NRXN3: variants seen among roughly 807,000 people sequenced by gnomAD.
NRXN3 encodes neurexin III.
A neutral mutation model predicts 137.6 loss-of-function variants in NRXN3; 32 were observed. That is an observed-to-expected ratio of 0.23 (90% CI 0.18 to 0.31). The LOEUF (loss-of-function observed/expected upper bound fraction) is 0.31, where lower values mean the gene tolerates loss of function less well. NRXN3 is among the 10% of genes least tolerant of loss of function. NRXN3 has a pLI of 1.00. For synonymous variants in NRXN3, 798 were observed against 784.5 expected, an observed-to-expected ratio of 1.02 and a Z score of -0.29; for missense variants, 1,574 against 2,062.5, an observed-to-expected ratio of 0.76 and a Z score of 4.59.
At chr14:78,658,273 G>A (rs2097801223) in intron 6 of NRXN3, among the ~76,000 whole-genome samples, 1 of 152,176 alleles carries the variant, frequency 6.6e-6, no homozygotes, top group Non-Finnish European at 1.5e-5. Flanking sequence ...CTTGCTAGTT[G>A]CATGGCTTTT....
intron 15 of NRXN3, 195 bp downstream of exon 15, chr14:78,988,336 A>G: frequency 3.2e-6 from 2 of 632,634 alleles, no homozygotes; most frequent in Admixed American, 5.1e-5. Context: ...ACAACACTAA[A>G]TATTCTCCCA....
At position 79,355,777 on chromosome 14, in the gene NRXN3, C is replaced by G. The variant is rs528850777; in HGVS notation, c.3263-111444C>G. Among the ~76,000 whole-genome samples the G allele has an allele frequency of 2.6e-5, 4 of 152,130 alleles. No individual in the cohort carries two copies. The South Asian group carries it at 8.3e-4, about 32-fold the overall frequency. ...TTTCATCTTTTCTGTTCTGTTCAGT[C>G]AAGACTTAGCTGATCCTATCTCAAC... On this transcript the variant is annotated intron_variant, in intron 15 of 20. Transcript: ENST00000335750.
At chr14:79,523,610 C>T (rs769204976) in intron 16 of NRXN3, among the ~76,000 whole-genome samples, 3 of 152,202 alleles carry the variant, frequency 2.0e-5, no homozygotes, top group Middle Eastern at 3.4e-3. Flanking sequence ...TGCCATTTGT[C>T]ATTTCAGGAA....
intron 10 of NRXN3, among the ~76,000 whole-genome samples, chr14:78,912,307 T>C (rs957164498): frequency 1.3e-5 from 2 of 150,458 alleles, no homozygotes; most frequent in Admixed American, 1.3e-4. Flanking sequence ...CCAGAACAAA[T>C]TGGTATTTTT....
chr14:79,580,925 C>G (rs1400422016), intron 16 of NRXN3, among the ~76,000 whole-genome samples: 1 of 151,788 alleles, frequency 6.6e-6, no homozygotes, highest in Non-Finnish European at 1.5e-5. Context: ...ACTTTTTTTT[C>G]TGAAAACAAC....
At chr14:79,608,843 G>A (rs2098060076) in intron 16 of NRXN3, among the ~76,000 whole-genome samples, 1 of 151,500 alleles carries the variant, frequency 6.6e-6, no homozygotes. Flanking sequence ...TCTCAGGAGT[G>A]CAGTGAAAAA....
chr14:78,553,977 A>C (rs1243262857), intron 4 of NRXN3, among the ~76,000 whole-genome samples: 8 of 152,186 alleles, frequency 5.3e-5, no homozygotes, highest in Admixed American at 5.2e-4. Context: ...TTAAAAAAGA[A>C]CCAGAGAGGC....
chr14:79,214,272 G>A (rs2068145806), intron 15 of NRXN3, among the ~76,000 whole-genome samples: 1 of 152,252 alleles, frequency 6.6e-6, no homozygotes, highest in Non-Finnish European at 1.5e-5. Flanking sequence ...AGGAAAGACA[G>A]CTGTCCTATT....
chr14:78,177,070 C>T (rs17107053), intron 1 of NRXN3, among the ~76,000 whole-genome samples: 37,026 of 151,932 alleles, frequency 0.24, 4,816 homozygotes, highest in African/African-American at 0.31. Context: ...TAGCCCTGCC[C>T]GTCAAGGGTA....
chr14:78,649,885 TG>T (rs2097724026), intron 5 of NRXN3, among the ~76,000 whole-genome samples: 1 of 152,156 alleles, frequency 6.6e-6, no homozygotes, highest in South Asian at 2.1e-4. Flanking sequence ...CCACCAATTA[TG>T]TTCTCCATAC....
At chr14:78,233,302 T>C (rs1009149201) in intron 1 of NRXN3, among the ~76,000 whole-genome samples, 2 of 152,194 alleles carry the variant, frequency 1.3e-5, no homozygotes, top group Non-Finnish European at 1.5e-5. Flanking sequence ...AAAGACAGTC[T>C]GGTTCTGACT....
chr14:78,938,900 A>G (rs144466167), intron 10 of NRXN3, among the ~76,000 whole-genome samples: 7 of 142,746 alleles, frequency 4.9e-5, no homozygotes, highest in African/African-American at 5.4e-5. Context: ...GCTGGAGTGC[A>G]GTGGCGCAAT....
chr14:79,135,617 A>G (rs1397580277), intron 15 of NRXN3, among the ~76,000 whole-genome samples: 1 of 152,196 alleles, frequency 6.6e-6, no homozygotes, highest in Admixed American at 6.5e-5. Flanking sequence ...CCCTTACAAA[A>G]GATAGTTTTT....
At chr14:78,510,569 C>T (rs2096085096) in intron 4 of NRXN3, among the ~76,000 whole-genome samples, 1 of 152,186 alleles carries the variant, frequency 6.6e-6, no homozygotes, top group Admixed American at 6.5e-5. Flanking sequence ...AAGGAAATAA[C>T]TCACACATGT....
intron 9 of NRXN3, among the ~76,000 whole-genome samples, chr14:78,809,117 C>T (rs1030080112): frequency 4.6e-5 from 7 of 151,966 alleles, no homozygotes; most frequent in Non-Finnish European, 1.0e-4. Flanking sequence ...CCTACTATGC[C>T]CACTGATTCT....
intron 4 of NRXN3, among the ~76,000 whole-genome samples, chr14:78,592,769 A>AC (rs1404300777): frequency 1.6e-4 from 24 of 152,214 alleles, no homozygotes; most frequent in African/African-American, 5.8e-4. Context: ...TGTTTATGAT[A>AC]CCTCCTGCTG....
intron 4 of NRXN3, among the ~76,000 whole-genome samples, chr14:78,576,526 G>A (rs79346412): frequency 0.013 from 1,943 of 152,196 alleles, 36 homozygotes; most frequent in African/African-American, 0.041. Context: ...GATAGCTGGC[G>A]CTGGGATGAC....
intron 19 of NRXN3, among the ~76,000 whole-genome samples, chr14:79,747,838 G>A (rs1185100912): frequency 6.6e-5 from 10 of 152,146 alleles, no homozygotes; most frequent in Admixed American, 1.3e-4. Flanking sequence ...TAGGTGGCTC[G>A]GTCATGCCCT....
At chr14:78,472,916 C>CTTTTTTTTTTTTTTTT (rs11407621) in intron 4 of NRXN3, among the ~76,000 whole-genome samples, 1 of 140,406 alleles carries the variant, frequency 7.1e-6, no homozygotes. Flanking sequence ...GAGAAAATGT[C>CTTTTTTTTTTTTTTTT]TTTTTTTTTT....
Sources: allele counts gnomAD v4.1 joint callset (sites outside exome capture counted in the v4.1 genomes callset), GRCh38; gene constraint gnomAD v4.1.1; transcripts MANE v1.5; gene names NCBI Gene and HGNC (gene_info 2026-07-23, HGNC 2026-07-21).